The following SLC8A1 variants were observed in gnomAD, a reference collection of about 807,000 sequenced individuals.
The protein encoded by SLC8A1 is sodium/calcium exchanger 1.
In SLC8A1, 18 loss-of-function variants were observed where a neutral mutation model predicts 68.3. The ratio of observed to expected loss-of-function variants is 0.26; its 90% CI spans 0.18 to 0.39. SLC8A1 has a LOEUF of 0.39. Among genes scored for constraint, SLC8A1 ranks in the 10% least tolerant of loss-of-function variants. SLC8A1 has a pLI of 1.00. For missense variants in SLC8A1, 985 were observed against 1,156.7 expected, an observed-to-expected ratio of 0.85 and a Z score of 2.15; for synonymous variants, 475 against 415.5, an observed-to-expected ratio of 1.14 and a Z score of -1.74.
At chr2:40,264,465 G>T (rs529225217) in intron 2 of SLC8A1, among the ~76,000 whole-genome samples, 1 of 152,196 alleles carries the variant, frequency 6.6e-6, no homozygotes, top group African/African-American at 2.4e-5. Context: ...GTCCAACAAT[G>T]ATAGACTGGA....
chr2:40,347,866 T>C (rs1266606224), intron 2 of SLC8A1, among the ~76,000 whole-genome samples: 2 of 152,106 alleles, frequency 1.3e-5, no homozygotes, highest in African/African-American at 4.8e-5. Context: ...ACCATATAAT[T>C]AATAACAAAG....
intron 2 of SLC8A1, among the ~76,000 whole-genome samples, chr2:40,302,572 A>G (rs1261064714): frequency 6.7e-6 from 1 of 148,474 alleles, no homozygotes; most frequent in African/African-American, 2.5e-5. Context: ...TCTGTATAAC[A>G]TATATATCAT....
At chr2:40,138,478 G>C (rs1328924170) in intron 7 of SLC8A1, among the ~76,000 whole-genome samples, 1 of 152,130 alleles carries the variant, frequency 6.6e-6, no homozygotes, top group African/African-American at 2.4e-5. Context: ...TTAAGAACGT[G>C]GGTATTGTTG....
intron 2 of SLC8A1, among the ~76,000 whole-genome samples, chr2:40,382,229 A>T (rs57020706): frequency 0.23 from 35,098 of 151,964 alleles, 4,574 homozygotes; most frequent in African/African-American, 0.36. Flanking sequence ...AGTCTAGCAT[A>T]TTATAGCTCA....
chr2:40,251,936 A>G (rs1020986785), intron 2 of SLC8A1, among the ~76,000 whole-genome samples: 1 of 151,544 alleles, frequency 6.6e-6, no homozygotes, highest in African/African-American at 2.4e-5. Flanking sequence ...TCAGTTCCCC[A>G]AAATGTTTAG....
intron 1 of SLC8A1, among the ~76,000 whole-genome samples, chr2:40,467,201 C>G (rs775447954): frequency 5.3e-5 from 8 of 152,118 alleles, no homozygotes; most frequent in Non-Finnish European, 1.0e-4. Context: ...AGAAGGGTTG[C>G]TCAGCTTCAA....
intron 2 of SLC8A1, among the ~76,000 whole-genome samples, chr2:40,253,317 CACACACATATATGTGTATATATAT>C (rs1421625000): frequency 6.7e-6 from 1 of 149,792 alleles, no homozygotes; most frequent in Non-Finnish European, 1.5e-5. Flanking sequence ...CACATATATA[CACACACATATATGTGTATATATAT>C]ACACACACAA....
At chr2:40,254,985 TTCTAATTTATTTC>T (rs2063651007) in intron 2 of SLC8A1, 1 of 152,250 alleles carries the variant, frequency 6.6e-6, no homozygotes, top group Non-Finnish European at 1.5e-5. Context: ...TCTCGCCTGT[TTCTAATTTATTTC>T]TCTATTTCTT....
intron 6 of SLC8A1, 150 bp downstream of exon 9, chr2:40,160,615 A>G (rs982399747): frequency 1.5e-6 from 1 of 670,372 alleles, no homozygotes; most frequent in Non-Finnish European, 2.7e-6. Context: ...AGTCTTTAAA[A>G]TGTGCATACA....
chr2:40,115,775 G>C, intron 7 of SLC8A1, 146 bp from the exon 11 acceptor site: 1 of 1,040,432 alleles, frequency 9.6e-7, no homozygotes, highest in South Asian at 1.7e-5. Context: ...CTCTGAGTCA[G>C]ACTCATGGGG....
intron 2 of SLC8A1, among the ~76,000 whole-genome samples, chr2:40,375,721 G>C (rs189314905): frequency 2.0e-5 from 3 of 152,080 alleles, no homozygotes; most frequent in African/African-American, 7.2e-5. Flanking sequence ...TATATGCTTA[G>C]GCTGGGAGTG....
intron 2 of SLC8A1, among the ~76,000 whole-genome samples, chr2:40,361,474 T>G (rs34813208): frequency 0.033 from 5,077 of 152,084 alleles, 114 homozygotes; most frequent in African/African-American, 0.054. Flanking sequence ...CTTTTTTTTT[T>G]TTTGTTTTGG....
At chr2:40,438,257 G>A (rs1389314915) in intron 1 of SLC8A1, among the ~76,000 whole-genome samples, 3 of 152,052 alleles carry the variant, frequency 2.0e-5, no homozygotes, top group African/African-American at 7.2e-5. Context: ...TTTCTTTGAT[G>A]TTTGACCTTA....
In SLC8A1 at chr2:40,156,360, G is replaced by GT. The variant is rs71404280; in HGVS notation, c.2161+4404dup. Among the ~76,000 whole-genome samples the GT allele has an allele frequency of 6.5e-3, 913 of 140,394 alleles. 7 individuals carry two copies. The highest frequency in any genetic ancestry group is 0.012 in the African/African-American group (454 of 38,542). 92.1% of individuals were successfully genotyped at this position (140,394 alleles called of 152,430 possible). A position where few individuals can be genotyped will look rare whatever the true frequency, so the allele number is the denominator to read the frequency against. On this transcript the variant is annotated intron_variant, in intron 6 of 7. Coordinates refer to ENST00000406785, the Ensembl canonical transcript of SLC8A1. ...AAGAGACAGAACCAAAACTGCTGGA[G>GT]TTTTTTTTTTTTTGAGTCACTTTTG...
chr2:40,135,767 C>T (rs924578201), intron 7 of SLC8A1, among the ~76,000 whole-genome samples: 13 of 151,956 alleles, frequency 8.6e-5, no homozygotes, highest in Non-Finnish European at 2.9e-5. Context: ...GACCTTTGAC[C>T]ATGGGGAGGA....
At chr2:40,504,659 T>C (rs1706255116) in intron 1 of SLC8A1, among the ~76,000 whole-genome samples, 1 of 151,994 alleles carries the variant, frequency 6.6e-6, no homozygotes, top group Admixed American at 6.6e-5. Flanking sequence ...CAGATTTGAA[T>C]AGACAGTTCT....
At chr2:40,239,427 A>G (rs1459807074) in intron 2 of SLC8A1, among the ~76,000 whole-genome samples, 1 of 152,168 alleles carries the variant, frequency 6.6e-6, no homozygotes, top group Non-Finnish European at 1.5e-5. Context: ...AATGTTTTAA[A>G]TGCTGAGAGA....
At chr2:40,451,174 G>C (rs1385635219) in intron 1 of SLC8A1, among the ~76,000 whole-genome samples, 1 of 152,148 alleles carries the variant, frequency 6.6e-6, no homozygotes. Flanking sequence ...TTTCCCCCAA[G>C]AGCCAGCAAA....
chr2:40,331,571 CTTTT>C (rs899966496), intron 2 of SLC8A1, among the ~76,000 whole-genome samples: 11 of 151,690 alleles, frequency 7.3e-5, no homozygotes, highest in Non-Finnish European at 1.0e-4. Context: ...ATTAGGGTGG[CTTTT>C]TATTTATTTA....
Sources: gnomAD v4.1 joint callset for allele counts (sites outside exome capture counted in the v4.1 genomes callset) on GRCh38, gnomAD v4.1.1 for gene constraint, MANE v1.5 for transcripts, NCBI Gene and HGNC (gene_info 2026-07-23, HGNC 2026-07-21) for gene names.